LAMP5: variants seen among roughly 807,000 people sequenced by gnomAD.
LAMP5 encodes lysosome-associated membrane glycoprotein 5.
In LAMP5, 36 loss-of-function variants were observed where a neutral mutation model predicts 30.2. The observed-to-expected ratio is 1.19, with a 90% confidence interval of 0.91 to 1.57. The LOEUF is 1.57. LAMP5 is among the 40% of genes most tolerant of loss of function. The probability of loss-of-function intolerance (pLI) is 0.00; values close to 1 mark genes in which losing one functional copy is unlikely to be tolerated. For synonymous variants in LAMP5, 149 were observed against 134.6 expected, an observed-to-expected ratio of 1.11 and a Z score of -0.74; for missense variants, 377 against 354.9, an observed-to-expected ratio of 1.06 and a Z score of -0.50.
chr20:9,526,305 G>A (rs1181612612), intron 5 of LAMP5, among the ~76,000 whole-genome samples: 1 of 151,880 alleles, frequency 6.6e-6, no homozygotes, highest in Non-Finnish European at 1.5e-5. Flanking sequence ...TCAATGTATT[G>A]TATTAAGTAA....
intron 5 of LAMP5, among the ~76,000 whole-genome samples, chr20:9,527,051 C>T (rs1003664323): frequency 6.6e-6 from 1 of 151,806 alleles, no homozygotes; most frequent in South Asian, 2.1e-4. Context: ...TTCCTTGTTC[C>T]CCTTTGTAAT....
At chr20:9,514,979 A>C (rs1482072673) in intron 1 of LAMP5, 63 bp downstream of exon 1, 2 of 1,438,162 alleles carry the variant, frequency 1.4e-6, no homozygotes, top group African/African-American at 2.8e-5. Flanking sequence ...CAGAGCCGGC[A>C]AAGTAAAGTC....
At chr20:9,518,963 AG>A (rs1380863849) in intron 5 of LAMP5, among the ~76,000 whole-genome samples, 4 of 152,198 alleles carry the variant, frequency 2.6e-5, no homozygotes, top group African/African-American at 9.7e-5. Flanking sequence ...GTGTGGAGCA[AG>A]GCTGTCTCTC....
intron 5 of LAMP5, among the ~76,000 whole-genome samples, chr20:9,518,514 T>G (rs960662380): frequency 3.9e-5 from 6 of 152,222 alleles, no homozygotes; most frequent in African/African-American, 1.4e-4. Flanking sequence ...TTTCTTTACC[T>G]TCTTCCCTCC....
chr20:9,515,718 C>T, intron 2 of LAMP5, 93 bp downstream of exon 2: 2 of 1,386,152 alleles, frequency 1.4e-6, no homozygotes, highest in South Asian at 2.7e-5. Flanking sequence ...GGGTTGCCCG[C>T]CTTCTTTCCC....
chr20:9,516,108 G>A lies in LAMP5; in HGVS notation c.346G>A (p.Ala116Thr), dbSNP rs1448951801. 2.6e-6 allele frequency: 4 copies of A among 1,551,396 alleles called. No homozygotes were observed. In the African/African-American group the frequency reaches 4.2e-5, roughly 16 times the overall value. The change falls in exon 3 of 6, where the codon GCA (alanine) becomes ACA (threonine). Residue 116 changes from alanine (A) to threonine (T), a missense_variant. Transcript: ENST00000246070. ...AGTGTTCTGGGTGGATCGCGCATAT[G>A]CACTCAAAATGCTCTTTGTAAAGGT... Reference protein sequence around the residue: ...LQVFWVDRAYALKMLFVKESH... With the variant: ...LQVFWVDRAYTLKMLFVKESH...
intron 5 of LAMP5, among the ~76,000 whole-genome samples, chr20:9,527,440 A>C: frequency 6.6e-6 from 1 of 150,746 alleles, no homozygotes; most frequent in Admixed American, 6.6e-5. Context: ...ATGTGAAAGT[A>C]AGTCTCCACT....
At chr20:9,528,438 G>A (rs2122851650) in intron 5 of LAMP5, among the ~76,000 whole-genome samples, 1 of 152,210 alleles carries the variant, frequency 6.6e-6, no homozygotes, top group South Asian at 2.1e-4. Flanking sequence ...GGTGACTATA[G>A]TTAACAACCA....
rs201564418 is a variant in LAMP5 at position 9,526,860 on chromosome 20, GTATATATATATATA to G, written c.665-2753_665-2740del. On this transcript the variant is annotated intron_variant, in intron 5 of 5. Transcript: ENST00000246070. ...GATACATATACATATGTGTGTGTGT[GTATATATATATATA>G]TATATATATATATATATATATATAT... Among the ~76,000 whole-genome samples the G allele has an allele frequency of 2.8e-3, 226 of 80,214 alleles. 3 individuals carry two copies. Among genetic ancestry groups the G allele is most frequent in the African/African-American group, 7.5e-3 (171 of 22,772 alleles). The allele number at this position is 80,214 out of a possible 152,430, so 52.6% of individuals were successfully genotyped here. A position where few individuals can be genotyped will look rare whatever the true frequency, so the allele number is the denominator to read the frequency against.
chr20:9,518,042 G>A lies in LAMP5; in HGVS notation c.478G>A (p.Gly160Arg). 1 of 1,613,508 alleles carries A rather than the reference G, an allele frequency of 6.2e-7. No homozygotes were observed. The highest frequency in any genetic ancestry group is 1.1e-5 in the South Asian group (1 of 91,022). The part of the protein sequence containing the change: ...KTHFKDAVSA[G>R]KHTANSHHLS... ...ATTGCTCTGGGCTCTTGCTGTAGCT[G>A]GGAAGCACACAGCCAACTCGCACCA... is the stretch of plus-strand genomic sequence containing the variant. Residue 160 changes from glycine to arginine, a missense_variant and splice_region_variant, in exon 5 of 6, where the codon GGG becomes AGG. Physicochemically the swap from Gly to Arg is moderately radical, Grantham distance 125 (BLOSUM62 -2). Transcript: ENST00000246070.
intron 5 of LAMP5, among the ~76,000 whole-genome samples, chr20:9,524,594 CTAA>C (rs1480507983): frequency 2.8e-5 from 1 of 36,112 alleles, no homozygotes; most frequent in Non-Finnish European, 4.5e-5. Context: ...CCAGATCGAA[CTAA>C]AAAAAAAAAA....
intron 5 of LAMP5, among the ~76,000 whole-genome samples, chr20:9,520,123 C>A (rs1461253089): frequency 6.6e-6 from 1 of 152,212 alleles, no homozygotes; most frequent in Non-Finnish European, 1.5e-5. Flanking sequence ...GAGTTTGTAA[C>A]TACATATAAC....
At position 9,524,478 on chromosome 20, in the gene LAMP5, T is replaced by G. The variant is rs146295118; in HGVS notation, c.665-5164T>G. On this transcript the variant is annotated intron_variant, in intron 5 of 5. Coordinates refer to ENST00000246070, the MANE Select transcript of LAMP5 (RefSeq NM_012261.4). ...TAAGCTGCCATGTAAAATATTGTTT[T>G]TTTTTTTTTCCCGTGGGTCATAGGC... is the stretch of plus-strand genomic sequence containing the variant. Among the ~76,000 whole-genome samples the G allele has an allele frequency of 2.2e-4, 34 of 151,266 alleles. No homozygotes were observed. The East Asian group carries it at 3.7e-3, about 16-fold the overall frequency.
chr20:9,515,318 C>T (rs2045027778), intron 1 of LAMP5, 135 bp from the exon 2 acceptor site: 7 of 699,944 alleles, frequency 1.0e-5, no homozygotes, highest in Non-Finnish European at 1.6e-5. Flanking sequence ...GTTAGAGAAA[C>T]GGCTCGTAGA....
At position 9,516,148 on chromosome 20, in the gene LAMP5, C is replaced by A; in HGVS notation, c.369+17C>A. 1.9e-6 allele frequency: 3 copies of A among 1,575,076 alleles called. No individual in the cohort carries two copies. The highest frequency in any genetic ancestry group is 1.9e-5 in the Admixed American group (1 of 53,204). ...TTTGTAAAGGTAACTCCGAGCCCAG[C>A]GGGCAGAGGGGCCGCAGGCTCCGCG... On this transcript the variant is annotated intron_variant, in intron 3 of 5. Transcript: ENST00000246070.
At chr20:9,518,552 C>T (rs1291597293) in intron 5 of LAMP5, among the ~76,000 whole-genome samples, 1 of 152,186 alleles carries the variant, frequency 6.6e-6, no homozygotes, top group African/African-American at 2.4e-5. Context: ...TTCCCTCTCT[C>T]CCCATCTTCT....
In LAMP5 at chr20:9,516,069, C is replaced by A. The variant is rs2232264; in HGVS notation, c.307C>A (p.Gln103Lys). ...AEVKGRCGHS[Q>K]SELQVFWVDR... Reference sequence around the variant, plus strand: ...GGTGAAGGGCCGCTGTGGCCACAGCCAGTCGGAGCTGCAAGTGTTCTGGGT... The same window carrying A: ...GGTGAAGGGCCGCTGTGGCCACAGCAAGTCGGAGCTGCAAGTGTTCTGGGT... Residue 103 changes from glutamine (Q) to lysine (K), a missense_variant, in exon 3 of 6, where the codon CAG becomes AAG. By Grantham distance (53) the Gln-to-Lys change is moderately conservative. Transcript: ENST00000246070. The A allele has an allele frequency of 6.5e-7, 1 of 1,545,690 alleles. No individual in the cohort carries two copies. The highest frequency in any genetic ancestry group is 8.7e-7 in the Non-Finnish European group (1 of 1,152,320).
intron 5 of LAMP5, among the ~76,000 whole-genome samples, chr20:9,518,733 C>T (rs974312561): frequency 1.1e-4 from 16 of 152,226 alleles, no homozygotes; most frequent in Admixed American, 4.6e-4. Context: ...TTTCTGGGCC[C>T]GTTTCTTCTT....
chr20:9,530,315 CTTCTGGCTGGCA>C lies in LAMP5; in HGVS notation c.*501_*512del, dbSNP rs2045142193. The C allele has an allele frequency of 6.5e-6, 1 of 152,946 alleles. No individual in the cohort carries two copies. The highest frequency in any genetic ancestry group is 6.5e-5 in the Admixed American group (1 of 15,326). The allele number at this position is 152,946 out of a possible 1,614,324, so 9.5% of individuals were successfully genotyped here. ...GCAAGACCCCTGAAAGTGATTCATG[CTTCTGGCTGGCA>C]TTCTGCATGTTTAGTGATTGTCTTG... On this transcript the variant is annotated 3_prime_UTR_variant, in exon 6 of 6. Coordinates refer to ENST00000246070, the MANE Select transcript of LAMP5 (RefSeq NM_012261.4).
Sources: allele counts gnomAD v4.1 joint callset (sites outside exome capture counted in the v4.1 genomes callset), GRCh38; gene constraint gnomAD v4.1.1; transcripts MANE v1.5; gene names NCBI Gene and HGNC (gene_info 2026-07-23, HGNC 2026-07-21).